Variants in TNS1 observed in about 807,000 individuals in gnomAD.
TNS1 encodes tensin-1.
In TNS1, 62 loss-of-function variants were observed where a neutral mutation model predicts 168.6. That is an observed-to-expected ratio of 0.37 (90% confidence interval 0.30 to 0.45). The LOEUF is 0.45. Among genes scored for constraint, TNS1 ranks in the 20% least tolerant of loss-of-function variants. The probability of loss-of-function intolerance (pLI) is 1.00; values close to 1 mark genes in which losing one functional copy is unlikely to be tolerated. For synonymous variants in TNS1, 934 were observed against 933.2 expected (o/e 1.00, Z -0.02); for missense variants, 2,240 against 2,339.4 (o/e 0.96, Z 0.88).
intron 18 of TNS1, among the ~76,000 whole-genome samples, chr2:217,870,143 T>G (rs949224920): frequency 1.1e-4 from 17 of 152,218 alleles, no homozygotes; most frequent in Admixed American, 4.6e-4. Context: ...GCCCTTCAAA[T>G]GCAGACCCTC....
chr2:217,933,294 A>C (rs1208190800), intron 3 of TNS1, among the ~76,000 whole-genome samples: 2 of 152,210 alleles, frequency 1.3e-5, no homozygotes, highest in Admixed American at 1.3e-4. Flanking sequence ...GAAAACACTG[A>C]GAGATTTTAA....
At chr2:217,901,924 A>G (rs1953041707) in intron 6 of TNS1, 1 of 152,490 alleles carries the variant, frequency 6.6e-6, no homozygotes, top group East Asian at 1.9e-4. Context: ...GCTGTCCGGA[A>G]GAAGGCTCTG....
At chr2:217,843,583 A>G (rs1487948986) in intron 19 of TNS1, among the ~76,000 whole-genome samples, 1 of 152,118 alleles carries the variant, frequency 6.6e-6, no homozygotes, top group Non-Finnish European at 1.5e-5. Context: ...CACTAAAAAT[A>G]TGCCTTTGAT....
chr2:217,824,752 C>T (rs1943368492), intron 22 of TNS1, among the ~76,000 whole-genome samples: 1 of 152,146 alleles, frequency 6.6e-6, no homozygotes, highest in Non-Finnish European at 1.5e-5. Flanking sequence ...CTCTTGCCAC[C>T]CTAGGTCACT....
At chr2:217,862,008 A>C (rs1202041662) in intron 18 of TNS1, among the ~76,000 whole-genome samples, 1 of 152,218 alleles carries the variant, frequency 6.6e-6, no homozygotes, top group Non-Finnish European at 1.5e-5. Flanking sequence ...AATGGTGCAG[A>C]CTACAAGGAT....
intron 18 of TNS1, among the ~76,000 whole-genome samples, chr2:217,854,827 A>G (rs1025885584): frequency 1.3e-5 from 2 of 152,156 alleles, no homozygotes; most frequent in African/African-American, 4.8e-5. Context: ...GCCACAAGGG[A>G]TGGCTCTGGA....
intron 18 of TNS1, among the ~76,000 whole-genome samples, chr2:217,867,765 T>C (rs1323108942): frequency 2.0e-5 from 3 of 152,222 alleles, no homozygotes; most frequent in Admixed American, 2.0e-4. Context: ...CCTGGAATGC[T>C]CTTCTCCAGA....
At chr2:217,823,863 C>G (rs1943229653) in intron 22 of TNS1, among the ~76,000 whole-genome samples, 1 of 152,206 alleles carries the variant, frequency 6.6e-6, no homozygotes, top group African/African-American at 2.4e-5. Flanking sequence ...CCAGCAAGGC[C>G]TCCTCGAAAT....
Position 217,808,654 on chromosome 2 carries a change from T to A in TNS1, c.5291A>T (p.His1764Leu). 1 of 1,614,076 alleles carries A rather than the reference T, an allele frequency of 6.2e-7. No homozygotes were observed. The highest frequency in any genetic ancestry group is 8.5e-7 in the Non-Finnish European group (1 of 1,179,956). ...DNQRKLFFRR[H>L]YPLNTVTFCD... ...GAAGGTGACAGTGTTGAGAGGGTAGTGGCGTCTGAAAAAGAGCCTGCAGCA... is the reference window on the plus strand; with the variant it reads ...GAAGGTGACAGTGTTGAGAGGGTAGAGGCGTCTGAAAAAGAGCCTGCAGCA... Residue 1764 changes from histidine (H) to leucine (L), a missense_variant, in exon 31 of 33, where the codon CAC becomes CTC. By Grantham distance (99) the His-to-Leu change is moderately conservative. Transcript: ENST00000682258.
At chr2:217,955,717 G>C (rs572710045) in intron 3 of TNS1, among the ~76,000 whole-genome samples, 2 of 152,330 alleles carry the variant, frequency 1.3e-5, no homozygotes, top group South Asian at 4.2e-4. Flanking sequence ...AGCTCACTGA[G>C]ATAGCACCCA....
intron 2 of TNS1, among the ~76,000 whole-genome samples, chr2:217,985,815 T>C (rs1958180728): frequency 6.6e-6 from 1 of 152,090 alleles, no homozygotes; most frequent in South Asian, 2.1e-4. Flanking sequence ...GGGATTTGAA[T>C]CAGAACATCT....
rs1459840850 is a variant in TNS1, at chr2:218,002,921, C to G, written c.-49G>C. On this transcript the variant is annotated 5_prime_UTR_variant, in exon 1 of 33. Transcript: ENST00000682258. ...GCACGCCCAGGGCCTGTGAAGAGCC[C>G]CTGAAGCTAGAGTCCCCGCGGCGCT... is the stretch of plus-strand genomic sequence containing the variant. 2 of 456,520 alleles carry G rather than the reference C, an allele frequency of 4.4e-6. No homozygotes were observed. Among genetic ancestry groups the G allele is most frequent in the East Asian group, 7.0e-5 (1 of 14,376 alleles). 28.3% of individuals were successfully genotyped at this position (456,520 alleles called of 1,614,324 possible).
chr2:217,808,687 CA>C lies in TNS1; in HGVS notation c.5274-17del, dbSNP rs775764664. 1.2e-6 allele frequency: 2 copies of C among 1,613,468 alleles called. No individual in the cohort carries two copies. The highest frequency in any genetic ancestry group is 1.7e-6 in the Non-Finnish European group (2 of 1,179,478). On this transcript the variant is annotated splice_polypyrimidine_tract_variant and intron_variant, in intron 30 of 32. Coordinates refer to ENST00000682258, the MANE Select transcript of TNS1 (RefSeq NM_001387777.1). ...GAAAAAGAGCCTGCAGCACAGACAT[CA>C]GATAAACAGAGAATGAGTGCTGAAG...
At chr2:217,916,836 A>G (rs1414139116) in intron 4 of TNS1, among the ~76,000 whole-genome samples, 1 of 152,206 alleles carries the variant, frequency 6.6e-6, no homozygotes, top group Admixed American at 6.5e-5. Flanking sequence ...AGAAGTCCAG[A>G]CAGAGAGCTG....
intron 3 of TNS1, among the ~76,000 whole-genome samples, chr2:217,960,313 T>C (rs1957466214): frequency 2.0e-5 from 3 of 152,162 alleles, no homozygotes; most frequent in Admixed American, 1.3e-4. Context: ...TCAAGTGTGC[T>C]GCCAAGAATG....
chr2:217,937,186 AC>A, intron 3 of TNS1: 1 of 357,410 alleles, frequency 2.8e-6, no homozygotes. Flanking sequence ...CTACTCCCCT[AC>A]TCCCCTACTC....
At chr2:218,020,919 A>G (rs1326614742) in intron 1 of TNS1, among the ~76,000 whole-genome samples, 1 of 152,262 alleles carries the variant, frequency 6.6e-6, no homozygotes, top group Non-Finnish European at 1.5e-5. Context: ...AGTGCAATGC[A>G]GGAAGAAGCT....
intron 18 of TNS1, among the ~76,000 whole-genome samples, chr2:217,869,886 C>T (rs752871770): frequency 4.4e-4 from 67 of 152,276 alleles, no homozygotes; most frequent in Non-Finnish European, 9.0e-4. Context: ...TGGCCCCACA[C>T]TGCAACTGTT....
intron 12 of TNS1, among the ~76,000 whole-genome samples, chr2:217,888,237 G>A (rs1429352908): frequency 1.3e-5 from 2 of 152,142 alleles, no homozygotes; most frequent in African/African-American, 4.8e-5. Context: ...GTCCGGAGGC[G>A]GGTGACAATG....
Sources: gnomAD v4.1 joint callset for allele counts (sites outside exome capture counted in the v4.1 genomes callset) on GRCh38, gnomAD v4.1.1 for gene constraint, MANE v1.5 for transcripts, NCBI Gene and HGNC (gene_info 2026-07-23, HGNC 2026-07-21) for gene names.